The following CHST12 variants were observed in gnomAD, a reference collection of about 807,000 sequenced individuals.
CHST12 encodes carbohydrate (chondroitin 4) sulfotransferase 12.
CHST12 carries 23 observed loss-of-function variants against 27.9 expected under a neutral mutation model. The observed-to-expected ratio is 0.82, with a 90% CI of 0.59 to 1.17. The LOEUF is 1.17. Among genes scored for constraint, CHST12 ranks in the 50% most tolerant of loss-of-function variants. The probability of loss-of-function intolerance (pLI) is 0.00; values close to 1 mark genes in which losing one functional copy is unlikely to be tolerated. For synonymous variants in CHST12, 322 were observed against 273.0 expected (o/e 1.18, Z -1.77); for missense variants, 682 against 603.0 (o/e 1.13, Z -1.37).
At chr7:2,427,500 T>TG (rs1782156277) in intron 1 of CHST12, among the ~76,000 whole-genome samples, 3 of 146,752 alleles carry the variant, frequency 2.0e-5, no homozygotes, top group South Asian at 4.3e-4. Context: ...GGCTCTGTCT[T>TG]GAAAAAAAAA....
intron 1 of CHST12, among the ~76,000 whole-genome samples, chr7:2,403,887 C>T (rs1394877766): frequency 6.6e-6 from 1 of 152,106 alleles, no homozygotes; most frequent in African/African-American, 2.4e-5. Context: ...CCTCTCTGAG[C>T]CCCGCTCGTC....
In CHST12 at chr7:2,446,180, C is replaced by T. The variant is rs1205686836; in HGVS notation, c.*12296C>T. ...GCCCAGCCTCTAGAAGAGCCAGCAG[C>T]AGGGCTGGAAGGGAGAGCACATGCT... On this transcript the variant is annotated 3_prime_UTR_variant, in exon 2 of 2. Transcript: ENST00000618655. 6.5e-6 allele frequency: 1 copy of T among 152,750 alleles called. No individual in the cohort carries two copies. Among genetic ancestry groups the T allele is most frequent in the Non-Finnish European group, 1.5e-5 (1 of 68,172 alleles). The allele number at this position is 152,750 out of a possible 1,614,324, so 9.5% of individuals were successfully genotyped here.
chr7:2,408,725 G>A (rs1476265515), intron 1 of CHST12, among the ~76,000 whole-genome samples: 1 of 152,180 alleles, frequency 6.6e-6, no homozygotes, highest in African/African-American at 2.4e-5. Context: ...CTTTAAGGAG[G>A]TGATTGGCAG....
rs1782663173 is a variant in CHST12 at position 2,443,206 on chromosome 7, ATTC to A, written c.*9325_*9327del. On this transcript the variant is annotated 3_prime_UTR_variant, in exon 2 of 2. Coordinates refer to ENST00000618655, the MANE Select transcript of CHST12 (RefSeq NM_018641.5). ...AACCTCTGCCTTCTGGGTTCAAGCC[ATTC>A]TTGTGCCTCAGCTTCCCGAGTAGGT... The A allele has an allele frequency of 6.6e-6, 1 of 152,218 alleles. No homozygotes were observed. Among genetic ancestry groups the A allele is most frequent in the Non-Finnish European group, 1.5e-5 (1 of 68,062 alleles). The allele number at this position is 152,218 out of a possible 1,614,324, so 9.4% of individuals were successfully genotyped here. A position where few individuals can be genotyped will look rare whatever the true frequency, so the allele number is the denominator to read the frequency against.
intron 1 of CHST12, 67 bp from the exon 2 acceptor site, chr7:2,432,496 A>T: frequency 1.0e-6 from 1 of 961,578 alleles, no homozygotes; most frequent in Non-Finnish European, 1.5e-6. Context: ...TCCCCCACTG[A>T]TCAGAAGGCA....
intron 1 of CHST12, among the ~76,000 whole-genome samples, chr7:2,424,395 A>G (rs1260269772): frequency 2.0e-5 from 3 of 150,090 alleles, no homozygotes; most frequent in Non-Finnish European, 4.5e-5. Context: ...GTGGATGCAG[A>G]GTACAGCCAC....
chr7:2,432,660 C>G lies in CHST12; in HGVS notation c.21C>G (p.Phe7Leu). 1 of 1,609,526 alleles carries G rather than the reference C, an allele frequency of 6.2e-7. No individual in the cohort carries two copies. The highest frequency in any genetic ancestry group is 1.3e-5 in the African/African-American group (1 of 74,970). The change falls in exon 2 of 2, where the codon TTC becomes TTG. Residue 7 changes from phenylalanine to leucine, a missense_variant. Physicochemically the swap from Phe to Leu is conservative, Grantham distance 22 (BLOSUM62 0). Transcript: ENST00000618655. ...GCAGGATGACCAAGGCCCGGCTGTT[C>G]CGGCTGTGGCTGGTGCTGGGGTCGG... MTKARL[F>L]RLWLVLGSVF...
intron 1 of CHST12, among the ~76,000 whole-genome samples, chr7:2,418,106 A>G (rs1781858433): frequency 1.3e-5 from 2 of 152,234 alleles, no homozygotes; most frequent in South Asian, 4.1e-4. Context: ...TGTTTTGCCC[A>G]CAGTCAGCAT....
chr7:2,429,706 T>G (rs1470283320), intron 1 of CHST12, among the ~76,000 whole-genome samples: 1 of 152,226 alleles, frequency 6.6e-6, no homozygotes, highest in Non-Finnish European at 1.5e-5. Context: ...CTGCAGGATC[T>G]ATAATTTCAT....
At chr7:2,429,165 T>A (rs1267034590) in intron 1 of CHST12, among the ~76,000 whole-genome samples, 2 of 152,226 alleles carry the variant, frequency 1.3e-5, no homozygotes, top group Non-Finnish European at 2.9e-5. Flanking sequence ...CCTGGCATTG[T>A]CTTTACACAA....
chr7:2,433,190 T>C lies in CHST12; in HGVS notation c.551T>C (p.Val184Ala). ...ACCAACTGGAAGCGCGTGATGATCGTGCTGAGCGGAAGCCTGCTGCACCGC... is the reference window on the plus strand; with the variant it reads ...ACCAACTGGAAGCGCGTGATGATCGCGCTGAGCGGAAGCCTGCTGCACCGC... Reference protein sequence around the residue: ...ACTNWKRVMIVLSGSLLHRGA... With the variant: ...ACTNWKRVMIALSGSLLHRGA... The change falls in exon 2 of 2, where the codon GTG becomes GCG. Residue 184 changes from valine to alanine, a missense_variant. Transcript: ENST00000618655. The surrounding 1 kb of genome is among the most constrained non-coding windows in gnomAD (Gnocchi z 6.1). 1 of 1,612,986 alleles carries C rather than the reference T, an allele frequency of 6.2e-7. No individual in the cohort carries two copies. The highest frequency in any genetic ancestry group is 8.5e-7 in the Non-Finnish European group (1 of 1,179,618).
In CHST12 at chr7:2,438,091, C is replaced by A. The variant is rs552172264; in HGVS notation, c.*4207C>A. The A allele has an allele frequency of 6.6e-5, 10 of 152,318 alleles. No homozygotes were observed. Among genetic ancestry groups the A allele is most frequent in the African/African-American group, 9.7e-5 (4 of 41,438 alleles). 9.4% of individuals were successfully genotyped at this position (152,318 alleles called of 1,614,324 possible). A position where few individuals can be genotyped will look rare whatever the true frequency, so the allele number is the denominator to read the frequency against. On this transcript the variant is annotated 3_prime_UTR_variant, in exon 2 of 2. Transcript: ENST00000618655. ...GTGGGTGGCGTGTGCATTTTGTGAA[C>A]ACGTGGTCTGCTTCCTGGTGCAGAC...
At chr7:2,424,673 G>C (rs1782061765) in intron 1 of CHST12, among the ~76,000 whole-genome samples, 1 of 152,120 alleles carries the variant, frequency 6.6e-6, no homozygotes, top group Non-Finnish European at 1.5e-5. Flanking sequence ...TCATTCACTG[G>C]GCTGACTGTG....
intron 1 of CHST12, among the ~76,000 whole-genome samples, chr7:2,418,915 G>A (rs573847440): frequency 1.3e-5 from 2 of 152,292 alleles, no homozygotes; most frequent in South Asian, 4.1e-4. Flanking sequence ...TCCCACTTCA[G>A]CCTCCAGAGT....
At position 2,437,867 on chromosome 7, in the gene CHST12, A is replaced by T. The variant is rs1311609849; in HGVS notation, c.*3983A>T. On this transcript the variant is annotated 3_prime_UTR_variant, in exon 2 of 2. Transcript: ENST00000618655. ...CCCTCCGATGAGGCCAGCTGCATTC[A>T]TCGGGGCCTGGATGGCCGCACCTCT... The T allele has an allele frequency of 6.6e-6, 1 of 152,210 alleles. No individual in the cohort carries two copies. The highest frequency in any genetic ancestry group is 1.5e-5 in the Non-Finnish European group (1 of 68,098). The allele number at this position is 152,210 out of a possible 1,614,324, so 9.4% of individuals were successfully genotyped here. A position where few individuals can be genotyped will look rare whatever the true frequency, so the allele number is the denominator to read the frequency against.
intron 1 of CHST12, among the ~76,000 whole-genome samples, chr7:2,425,322 G>A (rs995292871): frequency 2.6e-5 from 4 of 152,058 alleles, no homozygotes; most frequent in Non-Finnish European, 5.9e-5. Flanking sequence ...CCACAGTGCA[G>A]ACAAGGGTGA....
In CHST12 at chr7:2,433,798, G is replaced by A; in HGVS notation, c.1159G>A (p.Ala387Thr). ...EEDWFAKIPL[A>T]WRQQLYKLYE... ...GGACTGGTTCGCCAAGATCCCCCTG[G>A]CCTGGAGGCAGCAGCTGTATAAACT... The change falls in exon 2 of 2, where the codon GCC (alanine) becomes ACC (threonine). Residue 387 changes from alanine (A) to threonine (T), a missense_variant. Coordinates refer to ENST00000618655, the MANE Select transcript of CHST12 (RefSeq NM_018641.5). The surrounding 1 kb of genome is among the most constrained non-coding windows in gnomAD (Gnocchi z 6.1). The A allele has an allele frequency of 1.2e-6, 2 of 1,614,100 alleles. No individual in the cohort carries two copies. Among genetic ancestry groups the A allele is most frequent in the Non-Finnish European group, 1.7e-6 (2 of 1,180,016 alleles).
In CHST12 at chr7:2,433,710, G is replaced by A. The variant is rs1333909432; in HGVS notation, c.1071G>A (p.Gln357=). Residue 357 remains glutamine, a synonymous_variant, in exon 2 of 2, where the codon CAG becomes CAA. Transcript: ENST00000618655. This position sits in a 1 kb window ranked among gnomAD's most constrained non-coding sequence, Gnocchi z 6.1. The part of the protein sequence containing the change: ...EDAAQLLQLL[Q]VDRQLRFPPS... ...CCGCGCAGCTGCTGCAGCTACTCCAGGTGGACCGGCAGCTCCGCTTCCCCC... is the reference window on the plus strand; with the variant it reads ...CCGCGCAGCTGCTGCAGCTACTCCAAGTGGACCGGCAGCTCCGCTTCCCCC... The A allele has an allele frequency of 6.2e-7, 1 of 1,613,620 alleles. No homozygotes were observed. Among genetic ancestry groups the A allele is most frequent in the Non-Finnish European group, 8.5e-7 (1 of 1,179,954 alleles).
chr7:2,410,744 G>A (rs1436695843), intron 1 of CHST12, among the ~76,000 whole-genome samples: 1 of 152,112 alleles, frequency 6.6e-6, no homozygotes, highest in African/African-American at 2.4e-5. Context: ...TGGGTGCGGT[G>A]GATGAACGGC....
Sources: gnomAD v4.1 joint callset for allele counts (sites outside exome capture counted in the v4.1 genomes callset) on GRCh38, gnomAD v4.1.1 for gene constraint, Gnocchi (gnomAD v3.1) non-coding constraint, MANE v1.5 for transcripts, NCBI Gene and HGNC (gene_info 2026-07-23, HGNC 2026-07-21) for gene names.